PPFIA2: variants seen among roughly 807,000 people sequenced by gnomAD.
PPFIA2 encodes the protein PPFI scaffold protein A2, also known as liprin-alpha-2.
Under a neutral mutation model 175.5 loss-of-function variants are expected in PPFIA2, and 46 were observed. The observed-to-expected ratio is 0.26, with a 90% CI of 0.21 to 0.34. The LOEUF (loss-of-function observed/expected upper bound fraction) is 0.34, where lower values mean the gene tolerates loss of function less well. PPFIA2 is among the 10% of genes least tolerant of loss of function. The pLI, the probability that PPFIA2 is intolerant of heterozygous loss-of-function variation, is 1.00. For missense variants in PPFIA2, 1,179 were observed against 1,506.1 expected (o/e 0.78, Z 3.60); for synonymous variants, 568 against 511.4 (o/e 1.11, Z -1.49).
intron 5 of PPFIA2, among the ~76,000 whole-genome samples, chr12:81,450,672 T>G (rs907728688): frequency 6.6e-6 from 1 of 152,222 alleles, no homozygotes; most frequent in African/African-American, 2.4e-5. Flanking sequence ...TTTTGGCTTT[T>G]GTTGCCATTG....
intron 19 of PPFIA2, 36 bp downstream of exon 19, chr12:81,344,628 T>A: frequency 6.9e-7 from 1 of 1,452,158 alleles, no homozygotes; most frequent in Non-Finnish European, 9.4e-7. Flanking sequence ...TAAAACAGTA[T>A]TCAATTCGTA....
At chr12:81,475,489 T>C (rs1291860654) in intron 4 of PPFIA2, among the ~76,000 whole-genome samples, 2 of 152,222 alleles carry the variant, frequency 1.3e-5, no homozygotes, top group East Asian at 3.8e-4. Context: ...TACAATTTGC[T>C]ATTTATTATT....
At chr12:81,276,972 T>C (rs2040683789) in intron 28 of PPFIA2, among the ~76,000 whole-genome samples, 1 of 152,176 alleles carries the variant, frequency 6.6e-6, no homozygotes, top group African/African-American at 2.4e-5. Flanking sequence ...TGATATACCA[T>C]GTTTCTCTGA....
chr12:81,385,532 A>G (rs2038734669), intron 8 of PPFIA2, among the ~76,000 whole-genome samples: 1 of 150,390 alleles, frequency 6.6e-6, no homozygotes, highest in African/African-American at 2.4e-5. Flanking sequence ...AGTTTCTAAG[A>G]AGAAGGAAAT....
In PPFIA2 at chr12:81,399,290, C is replaced by CAAAAAA. The variant is rs543794696; in HGVS notation, c.762+6491_762+6496dup. Among the ~76,000 whole-genome samples the CAAAAAA allele has an allele frequency of 1.7e-4, 7 of 42,016 alleles. 1 individual carries two copies. The highest frequency in any genetic ancestry group is 5.0e-4 in the African/African-American group (6 of 12,052). The allele number at this position is 42,016 out of a possible 152,430, so 27.6% of individuals were successfully genotyped here. A position where few individuals can be genotyped will look rare whatever the true frequency, so the allele number is the denominator to read the frequency against. ...AAGTCTTTGGAAATATCCTTCTTCA[C>CAAAAAA]AAAAAAAAAAAAAAAAAAAAAAAAA... is the stretch of plus-strand genomic sequence containing the variant. On this transcript the variant is annotated intron_variant, in intron 8 of 32. Transcript: ENST00000549396.
intron 4 of PPFIA2, among the ~76,000 whole-genome samples, chr12:81,462,567 T>C (rs925806157): frequency 3.6e-5 from 3 of 84,420 alleles, no homozygotes; most frequent in Admixed American, 3.9e-4. Flanking sequence ...TGTATATATA[T>C]GTGTATATAT....
chr12:81,424,597 T>A (rs116948446), intron 7 of PPFIA2, among the ~76,000 whole-genome samples: 13,287 of 152,216 alleles, frequency 0.087, 824 homozygotes, highest in Middle Eastern at 0.16. Context: ...TCACATTCTT[T>A]AGCAATAGAA....
chr12:81,595,544 A>G (rs999081185), intron 4 of PPFIA2, among the ~76,000 whole-genome samples: 2 of 152,082 alleles, frequency 1.3e-5, no homozygotes, highest in African/African-American at 4.8e-5. Flanking sequence ...AAGTATATTC[A>G]CAGTAATATA....
chr12:81,502,003 G>T (rs1461405585), intron 4 of PPFIA2, among the ~76,000 whole-genome samples: 1 of 152,124 alleles, frequency 6.6e-6, no homozygotes, highest in Non-Finnish European at 1.5e-5. Context: ...AAAAAGGGAC[G>T]TGCAGTTTTC....
At chr12:81,286,142 T>C (rs1280028416) in intron 24 of PPFIA2, among the ~76,000 whole-genome samples, 2 of 152,076 alleles carry the variant, frequency 1.3e-5, no homozygotes, top group Non-Finnish European at 2.9e-5. Context: ...TAAAGAAAGA[T>C]ATTAATTTTG....
chr12:81,467,040 C>T (rs988408936), intron 4 of PPFIA2, among the ~76,000 whole-genome samples: 1 of 150,870 alleles, frequency 6.6e-6, no homozygotes, highest in Non-Finnish European at 1.5e-5. Context: ...ACTCATTGCC[C>T]TTTTTCTTTG....
chr12:81,350,915 T>C (rs1001552333), intron 17 of PPFIA2, among the ~76,000 whole-genome samples: 3 of 152,092 alleles, frequency 2.0e-5, no homozygotes, highest in African/African-American at 7.2e-5. Flanking sequence ...AAGAAAGGCA[T>C]TGTTCAAAAG....
At chr12:81,661,876 G>T (rs1405306940) in intron 4 of PPFIA2, among the ~76,000 whole-genome samples, 1 of 152,038 alleles carries the variant, frequency 6.6e-6, no homozygotes, top group Non-Finnish European at 1.5e-5. Context: ...AATCAAACTA[G>T]AATTCAGGAT....
At chr12:81,432,919 C>T (rs894415427) in intron 7 of PPFIA2, among the ~76,000 whole-genome samples, 1 of 151,900 alleles carries the variant, frequency 6.6e-6, no homozygotes, top group Admixed American at 6.6e-5. Flanking sequence ...ATTATGCCAA[C>T]TTTCTAGCTC....
intron 4 of PPFIA2, among the ~76,000 whole-genome samples, chr12:81,616,459 TAGAG>T (rs1289588805): frequency 5.3e-5 from 8 of 152,252 alleles, no homozygotes; most frequent in Admixed American, 1.3e-4. Context: ...AAACATCACT[TAGAG>T]AGAGAATGAT....
chr12:81,388,990 G>A (rs2039562931), intron 8 of PPFIA2, among the ~76,000 whole-genome samples: 1 of 151,528 alleles, frequency 6.6e-6, no homozygotes, highest in African/African-American at 2.4e-5. Flanking sequence ...CCAAGCCCCA[G>A]ACAACCACTA....
intron 4 of PPFIA2, among the ~76,000 whole-genome samples, chr12:81,553,780 C>T (rs1051178762): frequency 6.6e-6 from 1 of 151,674 alleles, no homozygotes; most frequent in Non-Finnish European, 1.5e-5. Context: ...CCAATCAACT[C>T]CCTGGTCAGA....
rs949115257 is a variant in PPFIA2, at chr12:81,746,720, G to A, written c.249+7253C>T. On this transcript the variant is annotated intron_variant, in intron 3 of 32. Transcript: ENST00000549396. ...GAGGGAAACAATAATCAAAAGAGGA[G>A]GTAAAAGGGAGGGTTCAGGGATTTA... Among the ~76,000 whole-genome samples the A allele has an allele frequency of 9.1e-5, 13 of 143,348 alleles. 3 individuals are homozygous for A. Among genetic ancestry groups the A allele is most frequent in the Non-Finnish European group, 1.7e-4 (11 of 63,972 alleles). The allele number at this position is 143,348 out of a possible 152,430, so 94.0% of individuals were successfully genotyped here.
intron 3 of PPFIA2, among the ~76,000 whole-genome samples, chr12:81,704,914 T>A (rs1486283284): frequency 6.7e-6 from 1 of 149,858 alleles, no homozygotes; most frequent in Non-Finnish European, 1.5e-5. Flanking sequence ...TGAAATCCTG[T>A]CTCTACTAAA....
Sources: gnomAD v4.1 joint callset for allele counts (sites outside exome capture counted in the v4.1 genomes callset) on GRCh38, gnomAD v4.1.1 for gene constraint, MANE v1.5 for transcripts, NCBI Gene and HGNC (gene_info 2026-07-23, HGNC 2026-07-21) for gene names.